The following CUL7 variants were observed in gnomAD, a reference collection of about 807,000 sequenced individuals.
The protein encoded by CUL7 is cullin 7.
A neutral mutation model predicts 177.7 loss-of-function variants in CUL7; 96 were observed. The ratio of observed to expected loss-of-function variants is 0.54; its 90% CI spans 0.46 to 0.64. CUL7 has a LOEUF of 0.64. Ranked by LOEUF, CUL7 falls within the 30% of genes least tolerant of loss-of-function variation. The pLI is 0.00. For synonymous variants in CUL7, 824 were observed against 890.2 expected (o/e 0.93, Z 1.32); for missense variants, 1,893 against 2,187.9 (o/e 0.87, Z 2.69).
chr6:43,052,662 G>C lies in CUL7; in HGVS notation c.127C>G (p.Leu43Val). The change falls in exon 2 of 26, where the codon CTC becomes GTC. Residue 43 changes from leucine (L) to valine (V), a missense_variant. Leu to Val is a conservative substitution (Grantham distance 32). Around this residue, in one of 5 missense-constraint regions of CUL7, gnomAD observed 653 missense variants for 725.2 expected, o/e 0.90. Coordinates refer to ENST00000265348, the MANE Select transcript of CUL7 (RefSeq NM_014780.5). This position sits in a 1 kb window ranked among gnomAD's most constrained non-coding sequence, Gnocchi z 4.5. Reference sequence around the variant, plus strand: ...CCCTCATCGCCACGCCGCAGGATGAGCCAACGGATCTGGTACTCAGGATGC... The same window carrying C: ...CCCTCATCGCCACGCCGCAGGATGACCCAACGGATCTGGTACTCAGGATGC... ...DGHPEYQIRW[L>V]ILRRGDEGDG... 4 of 1,614,174 alleles carry C rather than the reference G, an allele frequency of 2.5e-6. No homozygotes were observed. Among genetic ancestry groups the C allele is most frequent in the Non-Finnish European group, 3.4e-6 (4 of 1,180,040 alleles).
rs1009253091 is a variant in CUL7 at position 43,045,064 on chromosome 6, C to T, written c.3038+163G>A. 2.6e-5 allele frequency among the ~76,000 whole-genome samples: 4 copies of T among 152,126 alleles called. No individual in the cohort carries two copies. Among genetic ancestry groups the T allele is most frequent in the Admixed American group, 2.0e-4 (3 of 15,276 alleles). On this transcript the variant is annotated intron_variant, in intron 15 of 25. Coordinates refer to ENST00000265348, the MANE Select transcript of CUL7 (RefSeq NM_014780.5). This position sits in a 1 kb window ranked among gnomAD's most constrained non-coding sequence, Gnocchi z 4.8. ...TCCCAGCCCACTGGAGAAATCTTTT[C>T]TCTTTATCCTTTCTTCCCCTCCCAC...
At chr6:43,038,210 G>C in intron 25 of CUL7, 57 bp downstream of exon 25, 1 of 1,589,430 alleles carries the variant, frequency 6.3e-7, no homozygotes, top group Non-Finnish European at 8.6e-7. Context: ...TTGTCCTGTA[G>C]ACTGCTCCCC....
In CUL7 at chr6:43,050,476, A is replaced by G; in HGVS notation, c.1234-78T>C. ...TGGCTGTGGCCCAGTACTGAGGACT[A>G]TAGCCCTCAGGGTGACCACCTGGCC... On this transcript the variant is annotated intron_variant, in intron 4 of 25. Transcript: ENST00000265348. The surrounding 1 kb of genome is among the most constrained non-coding windows in gnomAD (Gnocchi z 4.1). 6.3e-7 allele frequency: 1 copy of G among 1,582,140 alleles called. No homozygotes were observed. Among genetic ancestry groups the G allele is most frequent in the East Asian group, 2.2e-5 (1 of 44,636 alleles).
At chr6:43,042,694 C>T in intron 19 of CUL7, 108 bp downstream of exon 19, 1 of 760,102 alleles carries the variant, frequency 1.3e-6, no homozygotes, top group South Asian at 1.5e-5. Flanking sequence ...TATATACTAA[C>T]ATATGTTCAT....
At position 43,045,647 on chromosome 6, in the gene CUL7, G is replaced by C. The variant is rs144926293; in HGVS notation, c.2802C>G (p.Leu934=). ...GCCAGAAGCGGGTCAGGTTCTCCAG[G>C]AGGATCACCCGGCTGGCAGAGGGCA... ...NVMPSASRVI[L]LENLTRFWPI... is the part of the protein sequence containing the mutation. Residue 934 remains leucine, a synonymous_variant, in exon 14 of 26, where the codon CTC becomes CTG. Transcript: ENST00000265348. This position sits in a 1 kb window ranked among gnomAD's most constrained non-coding sequence, Gnocchi z 4.8. 3.2e-5 allele frequency: 52 copies of C among 1,614,106 alleles called. No homozygotes were observed. Among genetic ancestry groups the C allele is most frequent in the East Asian group, 2.2e-5 (1 of 44,892 alleles).
rs1581969903 is a variant in CUL7 at position 43,052,866 on chromosome 6, G to C, written c.-8-70C>G. The stretch of plus-strand genomic sequence containing the variant: ...GAGGTCAGAAAATCAAAGATATCCA[G>C]GAGGTGGGGAAGCAAATGGCAACAG... On this transcript the variant is annotated intron_variant, in intron 1 of 25. Transcript: ENST00000265348. This position sits in a 1 kb window ranked among gnomAD's most constrained non-coding sequence, Gnocchi z 4.5. The C allele has an allele frequency of 4.0e-6, 6 of 1,505,650 alleles. No homozygotes were observed. Among genetic ancestry groups the C allele is most frequent in the Non-Finnish European group, 5.4e-6 (6 of 1,115,546 alleles). The allele number at this position is 1,505,650 out of a possible 1,614,324, so 93.3% of individuals were successfully genotyped here.
intron 11 of CUL7, 37 bp downstream of exon 11, chr6:43,046,474 T>G (rs765411627): frequency 6.8e-6 from 11 of 1,613,266 alleles, no homozygotes; most frequent in Non-Finnish European, 1.7e-6. Flanking sequence ...CAGACATAGG[T>G]GTGGGGAGGT....
At chr6:43,049,157 A>G (rs1273347252) in intron 7 of CUL7, among the ~76,000 whole-genome samples, 1 of 152,194 alleles carries the variant, frequency 6.6e-6, no homozygotes, top group Non-Finnish European at 1.5e-5. Context: ...ATGTTTCTGT[A>G]CAAGAGAAAA....
chr6:43,040,681 T>G lies in CUL7; in HGVS notation c.3872A>C (p.Gln1291Pro). 1 of 1,614,210 alleles carries G rather than the reference T, an allele frequency of 6.2e-7. No individual in the cohort carries two copies. Among genetic ancestry groups the G allele is most frequent in the African/African-American group, 1.3e-5 (1 of 75,052 alleles). Residue 1291 changes from glutamine (Q) to proline (P), a missense_variant, in exon 21 of 26, where the codon CAG (glutamine) becomes CCG (proline). By Grantham distance (76) the Gln-to-Pro change is moderately conservative. This residue lies in a region of CUL7 where 973 missense variants were observed against 1,140.9 expected (regional missense o/e 0.85). Coordinates refer to ENST00000265348, the MANE Select transcript of CUL7 (RefSeq NM_014780.5). The surrounding 1 kb of genome is among the most constrained non-coding windows in gnomAD (Gnocchi z 4.2). ...SSWLEGAVLEQIGPCFPNRLP... is the reference protein window; with the variant it reads ...SSWLEGAVLEPIGPCFPNRLP... Reference sequence around the variant, plus strand: ...GCGGTTGGGGAAGCAGGGACCGATCTGCTCCAGCACGGCCCCCTCCAGCCA... The same window carrying G: ...GCGGTTGGGGAAGCAGGGACCGATCGGCTCCAGCACGGCCCCCTCCAGCCA...
chr6:43,043,326 G>C lies in CUL7; in HGVS notation c.3355+122C>G. The C allele has an allele frequency of 1.6e-6, 2 of 1,228,002 alleles. No homozygotes were observed. Among genetic ancestry groups the C allele is most frequent in the Non-Finnish European group, 2.4e-6 (2 of 843,146 alleles). 76.1% of individuals were successfully genotyped at this position (1,228,002 alleles called of 1,614,324 possible). Reference sequence around the variant, plus strand: ...GGATGGAGGTGACACAAACCTGGAAGATGAACAGGCTGAGCCCATAGGGAG... The same window carrying C: ...GGATGGAGGTGACACAAACCTGGAACATGAACAGGCTGAGCCCATAGGGAG... On this transcript the variant is annotated intron_variant, in intron 17 of 25. Coordinates refer to ENST00000265348, the MANE Select transcript of CUL7 (RefSeq NM_014780.5). This position sits in a 1 kb window ranked among gnomAD's most constrained non-coding sequence, Gnocchi z 4.2.
At position 43,048,467 on chromosome 6, in the gene CUL7, C is replaced by T; in HGVS notation, c.1928G>A (p.Ser643Asn). The change falls in exon 8 of 26, where the codon AGC (serine) becomes AAC (asparagine). Residue 643 changes from serine to asparagine, a missense_variant. Ser to Asn is a conservative substitution (Grantham distance 46). Transcript: ENST00000265348. Reference sequence around the variant, plus strand: ...CTTGTTCTCCTGGGTCCCCTCTGAGCTGAGGGCTTGCTCTAGATCCAGGAG... The same window carrying T: ...CTTGTTCTCCTGGGTCCCCTCTGAGTTGAGGGCTTGCTCTAGATCCAGGAG... ...KILLDLEQAL[S>N]SEGTQENKVK... The T allele has an allele frequency of 6.2e-7, 1 of 1,614,120 alleles. No individual in the cohort carries two copies. The highest frequency in any genetic ancestry group is 1.3e-5 in the African/African-American group (1 of 75,032).
chr6:43,049,575 C>A lies in CUL7; in HGVS notation c.1657G>T (p.Asp553Tyr). The change falls in exon 7 of 26, where the codon GAC (aspartate) becomes TAC (tyrosine). Residue 553 changes from aspartate to tyrosine, a missense_variant. Asp to Tyr is a radical substitution (Grantham distance 160, BLOSUM62 -3). Around this residue, in one of 5 missense-constraint regions of CUL7, gnomAD observed 653 missense variants for 725.2 expected, o/e 0.90. Coordinates refer to ENST00000265348, the MANE Select transcript of CUL7 (RefSeq NM_014780.5). ...TTGATCAGGTCCCTGAGGGCACTGT[C>A]ATTGAGTCGCTGTGGCAGAGTCAGC... ...LLLTLPQRLN[D>Y]SALRDLINCH... 6.2e-7 allele frequency: 1 copy of A among 1,614,210 alleles called. No homozygotes were observed. Among genetic ancestry groups the A allele is most frequent in the Non-Finnish European group, 8.5e-7 (1 of 1,180,042 alleles).
Position 43,053,187 on chromosome 6 carries a change from T to C in CUL7, c.-8-391A>G, listed in dbSNP as rs72867511. On this transcript the variant is annotated intron_variant, in intron 1 of 25. Transcript: ENST00000265348. This position sits in a 1 kb window ranked among gnomAD's most constrained non-coding sequence, Gnocchi z 4.1. ...GTATGTTTGGGAGGGAGATCGTGAG[T>C]GTGTGTGAAAAGGGGTGCTGTCTCT... Among the ~76,000 whole-genome samples the C allele has an allele frequency of 0.033, 4,917 of 150,348 alleles. 143 individuals are homozygous for C. Among genetic ancestry groups the C allele is most frequent in the Middle Eastern group, 0.12 (35 of 290 alleles).
Position 43,037,653 on chromosome 6 carries a change from T to A in CUL7, c.*35A>T. 1 of 1,526,592 alleles carries A rather than the reference T, an allele frequency of 6.6e-7. No homozygotes were observed. Among genetic ancestry groups the A allele is most frequent in the Non-Finnish European group, 8.9e-7 (1 of 1,124,728 alleles). The allele number at this position is 1,526,592 out of a possible 1,614,324, so 94.6% of individuals were successfully genotyped here. On this transcript the variant is annotated 3_prime_UTR_variant, in exon 26 of 26. Transcript: ENST00000265348. ...TCTTGGGTTTTATTTCTGTAAAAGC[T>A]CCAGCTCTACCTTCCCCTGACCCCA...
chr6:43,044,325 AAAAATAAAAT>A lies in CUL7; in HGVS notation c.3172+417_3172+426del, dbSNP rs958150093. On this transcript the variant is annotated intron_variant, in intron 16 of 25. Coordinates refer to ENST00000265348, the MANE Select transcript of CUL7 (RefSeq NM_014780.5). Reference sequence around the variant, plus strand: ...CAACAAGAGCGAAACTCTGTCTCAAAAAAATAAAATAAAATAAAATAAAATTAGCCAGGCA... The same window carrying A: ...CAACAAGAGCGAAACTCTGTCTCAAAAAAATAAAATAAAATTAGCCAGGCA... Among the ~76,000 whole-genome samples the A allele has an allele frequency of 2.6e-5, 4 of 151,900 alleles. 1 individual carries two copies. The highest frequency in any genetic ancestry group is 4.2e-4 in the South Asian group (2 of 4,800).
At chr6:43,041,465 G>A (rs537832465) in intron 19 of CUL7, among the ~76,000 whole-genome samples, 43 of 152,090 alleles carry the variant, frequency 2.8e-4, no homozygotes, top group African/African-American at 1.0e-3. Context: ...AAAATTAGCT[G>A]GGCATGGTGG....
chr6:43,039,876 C>G (rs1489083193), intron 22 of CUL7, among the ~76,000 whole-genome samples: 1 of 151,544 alleles, frequency 6.6e-6, no homozygotes, highest in African/African-American at 2.4e-5. Flanking sequence ...GTAGCTGGGA[C>G]TACAGGCACA....
chr6:43,052,817 A>C lies in CUL7; in HGVS notation c.-8-21T>G. Reference sequence around the variant, plus strand: ...GGCACCTGGAGCACACAAGGAAAAGAGAACAGACAAGCTAGAGGAAGGAGA... The same window carrying C: ...GGCACCTGGAGCACACAAGGAAAAGCGAACAGACAAGCTAGAGGAAGGAGA... On this transcript the variant is annotated intron_variant, in intron 1 of 25. Coordinates refer to ENST00000265348, the MANE Select transcript of CUL7 (RefSeq NM_014780.5). This position sits in a 1 kb window ranked among gnomAD's most constrained non-coding sequence, Gnocchi z 4.5. 1 of 1,597,476 alleles carries C rather than the reference A, an allele frequency of 6.3e-7. No individual in the cohort carries two copies. The highest frequency in any genetic ancestry group is 8.5e-7 in the Non-Finnish European group (1 of 1,178,304).
chr6:43,039,735 CTTTTTTTTTTTTTTTTTT>C, intron 22 of CUL7, among the ~76,000 whole-genome samples: 1 of 94,908 alleles, frequency 1.1e-5, no homozygotes, highest in South Asian at 3.8e-4. Context: ...AAGACCAACT[CTTTTTTTTTTTTTTTTTT>C]TTTTTTGAGA....
Sources: allele counts gnomAD v4.1 joint callset (sites outside exome capture counted in the v4.1 genomes callset), GRCh38; gene constraint gnomAD v4.1.1; regional missense constraint gnomAD v4.1.1; non-coding constraint Gnocchi (gnomAD v3.1); transcripts MANE v1.5; gene names NCBI Gene and HGNC (gene_info 2026-07-23, HGNC 2026-07-21).